DDHD2: variants seen among roughly 807,000 people sequenced by gnomAD.
The protein encoded by DDHD2 is DDHD domain containing 2.
Under a neutral mutation model 91.2 loss-of-function variants are expected in DDHD2, and 62 were observed. The observed-to-expected ratio is 0.68, with a 90% CI of 0.55 to 0.84. The LOEUF is 0.84. Among genes scored for constraint, DDHD2 ranks in the 40% least tolerant of loss-of-function variants. The probability of loss-of-function intolerance (pLI) is 0.00; values close to 1 mark genes in which losing one functional copy is unlikely to be tolerated. For synonymous variants in DDHD2, 271 were observed against 293.9 expected, an observed-to-expected ratio of 0.92 and a Z score of 0.80; for missense variants, 740 against 846.9, an observed-to-expected ratio of 0.87 and a Z score of 1.57.
At chr8:38,255,774 C>G (rs1806468435) in intron 16 of DDHD2, among the ~76,000 whole-genome samples, 1 of 151,952 alleles carries the variant, frequency 6.6e-6, no homozygotes, top group Non-Finnish European at 1.5e-5. Context: ...CATGGACTTT[C>G]AGGTTTCCTT....
rs1278418670 is a variant in DDHD2, at chr8:38,262,829, A to T, written c.*2256A>T. The T allele has an allele frequency of 6.6e-6, 1 of 152,220 alleles. No homozygotes were observed. Among genetic ancestry groups the T allele is most frequent in the Non-Finnish European group, 1.5e-5 (1 of 68,028 alleles). 9.4% of individuals were successfully genotyped at this position (152,220 alleles called of 1,614,324 possible). ...GTCTCAAAGTCAAGAAAATCAGTAC[A>T]GTCACGATTTTCTCTGTCTTTATGT... On this transcript the variant is annotated 3_prime_UTR_variant, in exon 18 of 18. Coordinates refer to ENST00000397166, the MANE Select transcript of DDHD2 (RefSeq NM_015214.3).
At chr8:38,267,485 T>C (rs1807826033), downstream of DDHD2, 2 of 1,437,404 alleles carry the variant, frequency 1.4e-6, no homozygotes, top group African/African-American at 1.4e-5. Context: ...TAACTATTGG[T>C]CAAATAGTGC....
intron 3 of DDHD2, 40 bp from the exon 4 acceptor site, chr8:38,237,498 A>G (rs1804895533): frequency 1.0e-6 from 1 of 985,294 alleles, no homozygotes; most frequent in African/African-American, 1.6e-5. Flanking sequence ...TTAATAGGAA[A>G]GCTACTAGAG....
At chr8:38,266,307 T>C (rs763246162), downstream of DDHD2, 1 of 1,611,472 alleles carries the variant, frequency 6.2e-7, no homozygotes, top group South Asian at 1.1e-5. Context: ...GACCAGCAAA[T>C]GCAACTGGAA....
rs561474042 is a variant in DDHD2, at chr8:38,242,099, A to G, written c.713-151A>G. Reference sequence around the variant, plus strand: ...GAAACATCTTTTCCTATATGCATTCATAATTTTTCCTGAATACCACTTTAT... The same window carrying G: ...GAAACATCTTTTCCTATATGCATTCGTAATTTTTCCTGAATACCACTTTAT... On this transcript the variant is annotated intron_variant, in intron 6 of 17. Transcript: ENST00000397166. 2.1e-3 allele frequency: 1,304 copies of G among 626,608 alleles called. 7 individuals are homozygous for G. Among genetic ancestry groups the G allele is most frequent in the South Asian group, 5.4e-3 (219 of 40,724 alleles). 38.8% of individuals were successfully genotyped at this position (626,608 alleles called of 1,614,324 possible). A position where few individuals can be genotyped will look rare whatever the true frequency, so the allele number is the denominator to read the frequency against.
downstream of DDHD2, chr8:38,271,439 TCTCCTGG>T (rs1312429217): frequency 6.6e-6 from 1 of 151,924 alleles, no homozygotes; most frequent in Non-Finnish European, 1.5e-5. Context: ...GGGTTCCCTT[TCTCCTGG>T]TACCCCACCC....
At chr8:38,249,893 C>A (rs1805973918) in intron 11 of DDHD2, 90 bp downstream of exon 11, 2 of 865,068 alleles carry the variant, frequency 2.3e-6, no homozygotes, top group Non-Finnish European at 3.5e-6. Flanking sequence ...CTCTGGGGAG[C>A]CAAGCAGTTT....
intron 7 of DDHD2, 50 bp from the exon 8 acceptor site, chr8:38,245,692 C>G (rs1417644539): frequency 6.7e-7 from 1 of 1,487,144 alleles, no homozygotes; most frequent in Non-Finnish European, 9.3e-7. Context: ...TTGGAAGCAG[C>G]TATTAAGTGT....
chr8:38,268,573 C>CT (rs1186394764), intron 1 of DDHD2: 6 of 1,473,534 alleles, frequency 4.1e-6, no homozygotes, highest in East Asian at 2.5e-5. Flanking sequence ...CATAAGGTCT[C>CT]TGAGTGCGCG....
At chr8:38,237,719 G>A (rs1376799983) in intron 4 of DDHD2, 92 bp downstream of exon 4, 5 of 668,844 alleles carry the variant, frequency 7.5e-6, no homozygotes, top group Admixed American at 3.6e-5. Context: ...ACTCTGTGTA[G>A]GATAACCTTT....
intron 4 of DDHD2, 22 bp from the exon 5 acceptor site, chr8:38,238,067 G>A (rs1377678254): frequency 1.9e-6 from 3 of 1,582,152 alleles, no homozygotes; most frequent in Non-Finnish European, 2.6e-6. Flanking sequence ...TATTTTTATT[G>A]CTCTGATCTG....
chr8:38,264,045 G>A (rs2130908131), downstream of DDHD2: 1 of 988,690 alleles, frequency 1.0e-6, no homozygotes, highest in Middle Eastern at 5.2e-4. Context: ...TGTGGCTTAT[G>A]TCCTCACTTG....
downstream of DDHD2, chr8:38,264,824 AC>A: frequency 7.7e-6 from 12 of 1,568,086 alleles, no homozygotes; most frequent in Non-Finnish European, 1.0e-5. Context: ...CCAAATCAAA[AC>A]ACATCTTAAG....
chr8:38,232,981 C>T lies in DDHD2; in HGVS notation c.-8-6C>T. 6.2e-7 allele frequency: 1 copy of T among 1,611,232 alleles called. No homozygotes were observed. On this transcript the variant is annotated splice_polypyrimidine_tract_variant and splice_region_variant and intron_variant, in intron 1 of 17. Coordinates refer to ENST00000397166, the MANE Select transcript of DDHD2 (RefSeq NM_015214.3). Reference sequence around the variant, plus strand: ...CGTTTTCCTGATAGTTTTCTTTTGTCTTTAGAGAGCGAAATGTCATCAGTG... The same window carrying T: ...CGTTTTCCTGATAGTTTTCTTTTGTTTTTAGAGAGCGAAATGTCATCAGTG...
chr8:38,255,192 C>G, intron 16 of DDHD2: 1 of 233,058 alleles, frequency 4.3e-6, no homozygotes, highest in Non-Finnish European at 7.8e-6. Context: ...GAGACTCCAT[C>G]TCAAAAAAAA....
At chr8:38,258,915 T>C (rs1806744632) in intron 16 of DDHD2, among the ~76,000 whole-genome samples, 1 of 152,312 alleles carries the variant, frequency 6.6e-6, no homozygotes, top group South Asian at 2.1e-4. Flanking sequence ...AATCAAATTT[T>C]GTTATGAAGT....
chr8:38,248,899 C>T (rs1805873450), intron 10 of DDHD2, among the ~76,000 whole-genome samples: 1 of 142,376 alleles, frequency 7.0e-6, no homozygotes, highest in East Asian at 2.2e-4. Context: ...GAGCTGAGAT[C>T]ACACCACTGC....
intron 11 of DDHD2, 67 bp downstream of exon 11, chr8:38,249,870 T>A (rs1805971581): frequency 8.9e-7 from 1 of 1,126,666 alleles, no homozygotes; most frequent in Non-Finnish European, 1.3e-6. Flanking sequence ...CCTTGTGCTT[T>A]GTGGGATGTT....
chr8:38,264,715 A>G, downstream of DDHD2: 5 of 1,436,560 alleles, frequency 3.5e-6, no homozygotes, highest in Non-Finnish European at 4.6e-6. Context: ...TGGGGCTAAA[A>G]TAACCTCAAT....
Sources: allele counts gnomAD v4.1 joint callset (sites outside exome capture counted in the v4.1 genomes callset), GRCh38; gene constraint gnomAD v4.1.1; transcripts MANE v1.5; gene names NCBI Gene and HGNC (gene_info 2026-07-23, HGNC 2026-07-21).